IFNLR1: variants seen among roughly 807,000 people sequenced by gnomAD.
IFNLR1 encodes interferon lambda receptor 1.
Under a neutral mutation model 52.5 loss-of-function variants are expected in IFNLR1, and 28 were observed. The ratio of observed to expected loss-of-function variants is 0.53; its 90% CI spans 0.40 to 0.73. The LOEUF (loss-of-function observed/expected upper bound fraction) is 0.73. Among genes scored for constraint, IFNLR1 ranks in the 30% least tolerant of loss-of-function variants. The pLI is 0.00. For synonymous variants in IFNLR1, 276 were observed against 274.9 expected (o/e 1.00, Z -0.04); for missense variants, 623 against 659.1 (o/e 0.95, Z 0.60).
chr1:24,178,982 T>C (rs57641403), intron 2 of IFNLR1, among the ~76,000 whole-genome samples: 14,761 of 152,094 alleles, frequency 0.097, 1,990 homozygotes, highest in African/African-American at 0.3. Flanking sequence ...GCTCTGTTGT[T>C]CAGGTTGGAG....
chr1:24,186,470 T>TAAA (rs1254908886), intron 1 of IFNLR1, among the ~76,000 whole-genome samples: 2 of 152,166 alleles, frequency 1.3e-5, no homozygotes, highest in Non-Finnish European at 2.9e-5. Flanking sequence ...TAGGCTTTTA[T>TAAA]GATGATTGGA....
At chr1:24,161,382 T>G in intron 4 of IFNLR1, 160 bp downstream of exon 4, 3 of 758,578 alleles carry the variant, frequency 4.0e-6, no homozygotes, top group Non-Finnish European at 4.3e-6. Flanking sequence ...TCATCATACT[T>G]TGATCAGATT....
intron 3 of IFNLR1, among the ~76,000 whole-genome samples, chr1:24,162,969 T>TA (rs1644479730): frequency 7.2e-6 from 1 of 139,628 alleles, no homozygotes; most frequent in Non-Finnish European, 1.6e-5. Flanking sequence ...CCTCTTTTTT[T>TA]TTTTTTTTTG....
intron 2 of IFNLR1, 59 bp downstream of exon 2, chr1:24,180,672 T>TGCC: frequency 2.3e-6 from 1 of 432,140 alleles, no homozygotes; most frequent in Non-Finnish European, 4.4e-6. Context: ...GAGAAGCCCC[T>TGCC]CCAGCCCCCA....
chr1:24,168,178 A>C, intron 3 of IFNLR1, among the ~76,000 whole-genome samples: 2 of 147,820 alleles, frequency 1.4e-5, no homozygotes, highest in African/African-American at 2.5e-5. Context: ...CATCCCCTCC[A>C]TCCTCCCTTT....
At chr1:24,182,095 G>C (rs1388283563) in intron 1 of IFNLR1, among the ~76,000 whole-genome samples, 1 of 151,992 alleles carries the variant, frequency 6.6e-6, no homozygotes, top group Non-Finnish European at 1.5e-5. Flanking sequence ...AGCTACCTGG[G>C]AGGCTGAGGC....
chr1:24,168,868 C>T (rs575494257), intron 3 of IFNLR1, among the ~76,000 whole-genome samples: 3 of 152,224 alleles, frequency 2.0e-5, no homozygotes, highest in Non-Finnish European at 2.9e-5. Flanking sequence ...CTCAGCCTCC[C>T]GAGTAGCTGG....
chr1:24,162,779 T>TC lies in IFNLR1; in HGVS notation c.368-1096_368-1095insG, dbSNP rs1557643939. Among the ~76,000 whole-genome samples the TC allele has an allele frequency of 5.8e-3, 86 of 14,716 alleles. 5 individuals are homozygous for TC. Among genetic ancestry groups the TC allele is most frequent in the Non-Finnish European group, 7.6e-3 (58 of 7,630 alleles). The allele number at this position is 14,716 out of a possible 152,430, so 9.7% of individuals were successfully genotyped here. ...TTCTTTCTTTCTTTCTTTCTTTCTT[T>TC]TTCTTTCTTTTTCTTTCTTTCTTTT... On this transcript the variant is annotated intron_variant, in intron 3 of 6. Transcript: ENST00000327535.
chr1:24,180,610 G>T, intron 2 of IFNLR1, 121 bp downstream of exon 2: 1 of 948,576 alleles, frequency 1.1e-6, no homozygotes, highest in Admixed American at 2.5e-5. Context: ...GCCATCTCCC[G>T]TAGGGCCCAG....
At chr1:24,170,485 C>T (rs867199668) in intron 2 of IFNLR1, among the ~76,000 whole-genome samples, 2 of 152,062 alleles carry the variant, frequency 1.3e-5, no homozygotes, top group African/African-American at 4.8e-5. Context: ...CTCAGCCTCC[C>T]GAGTAGATGG....
At chr1:24,185,631 C>T (rs896915981) in intron 1 of IFNLR1, among the ~76,000 whole-genome samples, 33 of 152,188 alleles carry the variant, frequency 2.2e-4, no homozygotes, top group Non-Finnish European at 7.3e-5. Context: ...TGTATCACCA[C>T]GAGGCTAGTG....
chr1:24,179,518 A>C (rs1470902515), intron 2 of IFNLR1, among the ~76,000 whole-genome samples: 1 of 152,228 alleles, frequency 6.6e-6, no homozygotes, highest in Non-Finnish European at 1.5e-5. Flanking sequence ...TCCCTGCTCA[A>C]GCCAGGCTCC....
intron 1 of IFNLR1, among the ~76,000 whole-genome samples, chr1:24,186,913 T>C (rs1569714047): frequency 1.3e-5 from 2 of 152,236 alleles, no homozygotes; most frequent in East Asian, 3.8e-4. Context: ...TTAAAAAATA[T>C]GCAGTATCAA....
At chr1:24,159,390 T>C in intron 5 of IFNLR1, 84 bp downstream of exon 5, 1 of 1,384,510 alleles carries the variant, frequency 7.2e-7, no homozygotes, top group Non-Finnish European at 1.0e-6. Context: ...AGTCTATCTC[T>C]AGGCTCATGT....
At chr1:24,178,414 A>G (rs2148601332) in intron 2 of IFNLR1, among the ~76,000 whole-genome samples, 1 of 152,298 alleles carries the variant, frequency 6.6e-6, no homozygotes, top group South Asian at 2.1e-4. Flanking sequence ...CTTTATAACC[A>G]TTTCTTACTA....
chr1:24,184,171 T>C (rs918132631), intron 1 of IFNLR1, among the ~76,000 whole-genome samples: 4 of 152,202 alleles, frequency 2.6e-5, no homozygotes, highest in African/African-American at 9.6e-5. Flanking sequence ...TCCAGGCCTT[T>C]GCACACGCTG....
chr1:24,170,191 C>T (rs1644565450), intron 2 of IFNLR1, among the ~76,000 whole-genome samples: 1 of 152,196 alleles, frequency 6.6e-6, no homozygotes, highest in Non-Finnish European at 1.5e-5. Context: ...AGTCAGGTGC[C>T]ACCTTGACCC....
intron 3 of IFNLR1, among the ~76,000 whole-genome samples, chr1:24,163,325 T>A (rs986225012): frequency 2.0e-5 from 3 of 152,148 alleles, no homozygotes; most frequent in African/African-American, 4.8e-5. Flanking sequence ...GGGGCAGCGT[T>A]CTTAAGGACT....
chr1:24,162,714 TCTTTCTTTC>T (rs1432507883), intron 3 of IFNLR1, among the ~76,000 whole-genome samples: 2 of 30,808 alleles, frequency 6.5e-5, no homozygotes, highest in African/African-American at 1.5e-4. Context: ...TTCTTTTCTT[TCTTTCTTTC>T]TTTTCTTTCT....
Sources: gnomAD v4.1 joint callset for allele counts (sites outside exome capture counted in the v4.1 genomes callset) on GRCh38, gnomAD v4.1.1 for gene constraint, MANE v1.5 for transcripts, NCBI Gene and HGNC (gene_info 2026-07-23, HGNC 2026-07-21) for gene names.